The following NLGN1 variants were observed in gnomAD, a reference collection of about 807,000 sequenced individuals.
NLGN1 encodes the protein neuroligin-1.
Under a neutral mutation model 65.5 loss-of-function variants are expected in NLGN1, and 12 were observed. The ratio of observed to expected loss-of-function variants is 0.18; its 90% CI spans 0.12 to 0.30. The LOEUF is 0.30. NLGN1 is among the 10% of genes least tolerant of loss of function. The pLI, the probability that NLGN1 is intolerant of heterozygous loss-of-function variation, is 1.00. For synonymous variants in NLGN1, 350 were observed against 359.5 expected (o/e 0.97, Z 0.30); for missense variants, 750 against 1,007.1 (o/e 0.74, Z 3.46).
At chr3:174,008,705 G>A (rs1724933727) in intron 4 of NLGN1, among the ~76,000 whole-genome samples, 1 of 151,962 alleles carries the variant, frequency 6.6e-6, no homozygotes, top group Admixed American at 6.6e-5. Flanking sequence ...TGTATGGCAG[G>A]AAGATCAGGA....
At chr3:173,582,838 T>C (rs1193015898) in intron 2 of NLGN1, among the ~76,000 whole-genome samples, 1 of 152,182 alleles carries the variant, frequency 6.6e-6, no homozygotes, top group African/African-American at 2.4e-5. Context: ...TGTTCTCATC[T>C]ACCCAAAATC....
At chr3:174,237,340 A>G (rs947769905) in intron 4 of NLGN1, among the ~76,000 whole-genome samples, 16 of 152,086 alleles carry the variant, frequency 1.1e-4, no homozygotes, top group Non-Finnish European at 2.4e-4. Flanking sequence ...AAAAACTACA[A>G]TTTACTTATA....
chr3:173,748,069 G>A (rs1775786970), intron 3 of NLGN1, among the ~76,000 whole-genome samples: 2 of 151,496 alleles, frequency 1.3e-5, no homozygotes, highest in South Asian at 4.2e-4. Flanking sequence ...CAAAGTGCTG[G>A]GACTATAGGC....
intron 3 of NLGN1, among the ~76,000 whole-genome samples, chr3:173,740,291 C>T (rs904590517): frequency 5.3e-5 from 8 of 151,998 alleles, no homozygotes; most frequent in Non-Finnish European, 1.2e-4. Flanking sequence ...TGATTTTGTG[C>T]TATATTAAGT....
chr3:174,008,843 C>T (rs1560831939), intron 4 of NLGN1, among the ~76,000 whole-genome samples: 1 of 151,864 alleles, frequency 6.6e-6, no homozygotes, highest in African/African-American at 2.4e-5. Context: ...AATCTCTTCT[C>T]AAATTAAACC....
At chr3:174,033,543 T>C (rs1045457107) in intron 4 of NLGN1, among the ~76,000 whole-genome samples, 1 of 152,144 alleles carries the variant, frequency 6.6e-6, no homozygotes, top group Non-Finnish European at 1.5e-5. Context: ...GATTCATGTG[T>C]TCGTTGCTCT....
chr3:173,663,032 A>T (rs1387127390), intron 3 of NLGN1, among the ~76,000 whole-genome samples: 4 of 152,126 alleles, frequency 2.6e-5, no homozygotes, highest in African/African-American at 9.6e-5. Flanking sequence ...GCATCATTTG[A>T]TACTTAACTA....
chr3:173,793,743 G>A (rs1282584797), intron 3 of NLGN1, among the ~76,000 whole-genome samples: 2 of 151,980 alleles, frequency 1.3e-5, no homozygotes, highest in Non-Finnish European at 2.9e-5. Flanking sequence ...CTTCCATAAA[G>A]CAATTCTTGT....
chr3:173,656,672 A>G (rs1019872137), intron 3 of NLGN1, among the ~76,000 whole-genome samples: 8 of 152,098 alleles, frequency 5.3e-5, no homozygotes, highest in Admixed American at 3.9e-4. Flanking sequence ...ATCTGAATTA[A>G]AATCACATGA....
intron 1 of NLGN1, among the ~76,000 whole-genome samples, chr3:173,398,790 C>T (rs1404105382): frequency 3.9e-5 from 6 of 152,024 alleles, no homozygotes; most frequent in Non-Finnish European, 8.8e-5. Context: ...ACTCATTTTC[C>T]CTCTTTTTAT....
At chr3:173,927,403 C>A (rs932241653) in intron 4 of NLGN1, among the ~76,000 whole-genome samples, 8 of 152,140 alleles carry the variant, frequency 5.3e-5, no homozygotes, top group Non-Finnish European at 1.2e-4. Flanking sequence ...AGAGTTTAGC[C>A]TAATATCTAA....
At chr3:173,947,405 G>A (rs1226208128) in intron 4 of NLGN1, among the ~76,000 whole-genome samples, 1 of 152,080 alleles carries the variant, frequency 6.6e-6, no homozygotes, top group Non-Finnish European at 1.5e-5. Context: ...AGTACTTACT[G>A]TATGCCAGGC....
At chr3:173,667,961 C>G (rs1761946218) in intron 3 of NLGN1, among the ~76,000 whole-genome samples, 1 of 152,072 alleles carries the variant, frequency 6.6e-6, no homozygotes, top group East Asian at 1.9e-4. Context: ...AACCTGGAAA[C>G]ATATATAACT....
At chr3:173,533,375 A>G (rs1410875915) in intron 2 of NLGN1, among the ~76,000 whole-genome samples, 2 of 152,204 alleles carry the variant, frequency 1.3e-5, no homozygotes, top group African/African-American at 4.8e-5. Context: ...TTTCATAGCA[A>G]TTAACACTGT....
intron 4 of NLGN1, among the ~76,000 whole-genome samples, chr3:173,954,688 G>A (rs967075655): frequency 2.6e-5 from 4 of 151,924 alleles, no homozygotes; most frequent in Non-Finnish European, 4.4e-5. Context: ...TTGCTCACAC[G>A]GTCACTAAAC....
intron 4 of NLGN1, among the ~76,000 whole-genome samples, chr3:173,901,242 G>A (rs749743797): frequency 1.7e-4 from 26 of 151,866 alleles, no homozygotes; most frequent in Admixed American, 7.9e-4. Flanking sequence ...GTGCATGTGC[G>A]TGTAATCCTG....
intron 2 of NLGN1, among the ~76,000 whole-genome samples, chr3:173,498,635 T>A (rs1280945234): frequency 2.0e-5 from 3 of 151,896 alleles, no homozygotes; most frequent in Non-Finnish European, 2.9e-5. Context: ...CCACACTGAC[T>A]TCCACAATGC....
chr3:173,435,388 T>G (rs760193284), intron 2 of NLGN1, among the ~76,000 whole-genome samples: 4 of 152,230 alleles, frequency 2.6e-5, no homozygotes, highest in Non-Finnish European at 4.4e-5. Context: ...CTTTTTCAGC[T>G]ATTATTTTCA....
intron 4 of NLGN1, among the ~76,000 whole-genome samples, chr3:174,048,930 G>A (rs909686949): frequency 6.6e-6 from 1 of 151,902 alleles, no homozygotes. Context: ...ACAAAGTGCT[G>A]TAAATAAAAA....
Sources: allele counts gnomAD v4.1 joint callset (sites outside exome capture counted in the v4.1 genomes callset), GRCh38; gene constraint gnomAD v4.1.1; transcripts MANE v1.5; gene names NCBI Gene and HGNC (gene_info 2026-07-23, HGNC 2026-07-21).